SRMS: variants seen among roughly 807,000 people sequenced by gnomAD.
SRMS encodes the protein src-related kinase lacking C-terminal regulatory tyrosine and N-terminal myristylation sites.
SRMS carries 42 observed loss-of-function variants against 43.5 expected under a neutral mutation model. The ratio of observed to expected loss-of-function variants is 0.97; its 90% CI spans 0.75 to 1.25. The LOEUF is 1.25. Among genes scored for constraint, SRMS ranks in the 50% most tolerant of loss-of-function variants. SRMS has a pLI of 0.00. For missense variants in SRMS, 703 were observed against 681.0 expected (o/e 1.03, Z -0.36); for synonymous variants, 316 against 308.2 (o/e 1.03, Z -0.27).
At chr20:63,542,975 C>T (rs1358145512) in intron 3 of SRMS, among the ~76,000 whole-genome samples, 3 of 152,322 alleles carry the variant, frequency 2.0e-5, no homozygotes, top group East Asian at 3.9e-4. Context: ...TCTCCTCCCA[C>T]ACCTTCCGCC....
intron 1 of SRMS, among the ~76,000 whole-genome samples, chr20:63,544,902 G>A (rs1367373145): frequency 1.3e-5 from 2 of 152,258 alleles, no homozygotes; most frequent in Non-Finnish European, 2.9e-5. Flanking sequence ...GGGGCAGCCA[G>A]TGGGCGGCTG....
At position 63,546,287 on chromosome 20, in the gene SRMS, C is replaced by T. The variant is rs529401623; in HGVS notation, c.356+821G>A. Among the ~76,000 whole-genome samples, 7 of 144,938 alleles carry T rather than the reference C, an allele frequency of 4.8e-5. 1 individual carries two copies. The highest frequency in any genetic ancestry group is 3.7e-4 in the Admixed American group (5 of 13,540). ...CCCTTCCTGTGACTCCGGCTTCACC[C>T]GCCCATGCAACCCCCAGGACGATGT... On this transcript the variant is annotated intron_variant, in intron 1 of 7. Transcript: ENST00000217188.
At position 63,547,187 on chromosome 20, in the gene SRMS, G is replaced by C; in HGVS notation, c.277C>G (p.Leu93Val). The C allele has an allele frequency of 6.2e-7, 1 of 1,612,170 alleles. No homozygotes were observed. Among genetic ancestry groups the C allele is most frequent in the Non-Finnish European group, 8.5e-7 (1 of 1,179,656 alleles). ...AGCCCGGCGCTGGGCTGGCCCGAAA[G>C]CCTGCGTGCGAAGATGTAGCCGCCC... ...EGGGYIFARR[L>V]SGQPSAGLVP... is the part of the protein sequence containing the mutation. Residue 93 changes from leucine (L) to valine (V), a missense_variant, in exon 1 of 8, where the codon CTT becomes GTT. Transcript: ENST00000217188.
At position 63,541,636 on chromosome 20, in the gene SRMS, C is replaced by T. The variant is rs766697222; in HGVS notation, c.947-16G>A. ...CCCTCGGGGGCTGCAGGAGACAGCG[C>T]GGGGTCTTTTAGGGCACGGGGCCAA... On this transcript the variant is annotated splice_polypyrimidine_tract_variant and intron_variant, in intron 5 of 7. Transcript: ENST00000217188. 18 of 1,505,358 alleles carry T rather than the reference C, an allele frequency of 1.2e-5. No individual in the cohort carries two copies. The highest frequency in any genetic ancestry group is 7.3e-5 in the East Asian group (3 of 40,820). 93.3% of individuals were successfully genotyped at this position (1,505,358 alleles called of 1,614,324 possible).
rs372563979 is a variant in SRMS at position 63,539,004 on chromosome 20, G to A, written c.*1814C>T. ...ACCTGGTCCCCTTAATCCCAGTGGC[G>A]GCTGCAGAGAGCACAGAGGGCGAGG... On this transcript the variant is annotated 3_prime_UTR_variant, in exon 8 of 8. Transcript: ENST00000217188. Among the ~76,000 whole-genome samples the A allele has an allele frequency of 6.6e-5, 10 of 152,206 alleles. No individual in the cohort carries two copies. In the East Asian group the frequency reaches 1.2e-3, roughly 18 times the overall value.
At chr20:63,542,782 A>C (rs2082711958) in intron 3 of SRMS, among the ~76,000 whole-genome samples, 1 of 152,168 alleles carries the variant, frequency 6.6e-6, no homozygotes, top group Non-Finnish European at 1.5e-5. Flanking sequence ...TGGGGGCCTA[A>C]GTGGCACCTT....
At chr20:63,542,644 G>A in intron 3 of SRMS, 63 bp from the exon 4 acceptor site, 1 of 1,523,420 alleles carries the variant, frequency 6.6e-7, no homozygotes, top group Non-Finnish European at 8.8e-7. Flanking sequence ...CCCAGGCACA[G>A]CCCCCCACAC....
rs1346181751 is a variant in SRMS, at chr20:63,540,120, T to C, written c.*698A>G. 6.6e-6 allele frequency among the ~76,000 whole-genome samples: 1 copy of C among 152,178 alleles called. No homozygotes were observed. Among genetic ancestry groups the C allele is most frequent in the African/African-American group, 2.4e-5 (1 of 41,434 alleles). ...TGGGGGGCTGAGCCTGTGTGTGATGTGCGCCTGTGTGCGTGTCTGAGTGGG... is the reference window on the plus strand; with the variant it reads ...TGGGGGGCTGAGCCTGTGTGTGATGCGCGCCTGTGTGCGTGTCTGAGTGGG... On this transcript the variant is annotated 3_prime_UTR_variant, in exon 8 of 8. Coordinates refer to ENST00000217188, the MANE Select transcript of SRMS (RefSeq NM_080823.4).
chr20:63,540,883 C>T lies in SRMS; in HGVS notation c.1402G>A (p.Glu468Lys), dbSNP rs146547099. Residue 468 changes from glutamate to lysine, a missense_variant, in exon 8 of 8, where the codon GAG (glutamate) becomes AAG (lysine). Transcript: ENST00000217188. ...AGCGTGGCGAAGGAGGGCCGTTCCT[C>T]GGGGCTGCTCCTCCAGCACTCCAGC... ...LMLECWRSSP[E>K]ERPSFATLRE... is the part of the protein sequence containing the mutation. 4.4e-5 allele frequency: 71 copies of T among 1,606,188 alleles called. 1 individual carries two copies. The highest frequency in any genetic ancestry group is 3.8e-4 in the South Asian group (35 of 91,062).
Position 63,541,288 on chromosome 20 carries a change from C to T in SRMS, c.1188G>A (p.Glu396=). The T allele has an allele frequency of 1.3e-6, 2 of 1,564,068 alleles. No individual in the cohort carries two copies. Among genetic ancestry groups the T allele is most frequent in the Non-Finnish European group, 1.7e-6 (2 of 1,159,222 alleles). ...SKIPVKWTAP[E]AANYRVFSQK... Reference sequence around the variant, plus strand: ...GGGAGAAGACACGATAATTGGCCGCCTCAGGCGCTGTCCACTTGACCGGGA... The same window carrying T: ...GGGAGAAGACACGATAATTGGCCGCTTCAGGCGCTGTCCACTTGACCGGGA... The change falls in exon 7 of 8, where the codon GAG becomes GAA. Residue 396 remains glutamate (E), a synonymous_variant. Coordinates refer to ENST00000217188, the MANE Select transcript of SRMS (RefSeq NM_080823.4).
In SRMS at chr20:63,541,269, A is replaced by G; in HGVS notation, c.1207T>C (p.Phe403Leu). ...TAPEAANYRV[F>L]SQKSDVWSFG... Reference sequence around the variant, plus strand: ...GACCAGACGTCTGACTTCTGGGAGAAGACACGATAATTGGCCGCCTCAGGC... The same window carrying G: ...GACCAGACGTCTGACTTCTGGGAGAGGACACGATAATTGGCCGCCTCAGGC... The change falls in exon 7 of 8, where the codon TTC (phenylalanine) becomes CTC (leucine). Residue 403 changes from phenylalanine to leucine, a missense_variant. By Grantham distance (22) the Phe-to-Leu change is conservative. Transcript: ENST00000217188. The G allele has an allele frequency of 6.4e-7, 1 of 1,569,248 alleles. No homozygotes were observed. Among genetic ancestry groups the G allele is most frequent in the South Asian group, 1.2e-5 (1 of 85,094 alleles).
chr20:63,543,999 T>G (rs200051911), intron 2 of SRMS, among the ~76,000 whole-genome samples: 3 of 142,360 alleles, frequency 2.1e-5, no homozygotes, highest in Non-Finnish European at 3.1e-5. Flanking sequence ...TAGTGAGGAA[T>G]GAATGAACAA....
At chr20:63,546,348 G>T (rs1215665343) in intron 1 of SRMS, among the ~76,000 whole-genome samples, 1 of 152,196 alleles carries the variant, frequency 6.6e-6, no homozygotes, top group Non-Finnish European at 1.5e-5. Flanking sequence ...GCTGGAAGTG[G>T]CCCTGAGCAA....
chr20:63,546,230 G>A (rs1320555919), intron 1 of SRMS, among the ~76,000 whole-genome samples: 1 of 152,144 alleles, frequency 6.6e-6, no homozygotes, highest in Non-Finnish European at 1.5e-5. Context: ...CGGGGCAGGT[G>A]TGGGGTGAGG....
In SRMS at chr20:63,541,606, C is replaced by T. The variant is rs1357901561; in HGVS notation, c.961G>A (p.Ala321Thr). 1.9e-6 allele frequency: 3 copies of T among 1,553,008 alleles called. No individual in the cohort carries two copies. Among genetic ancestry groups the T allele is most frequent in the Non-Finnish European group, 1.7e-6 (2 of 1,155,104 alleles). Reference sequence around the variant, plus strand: ...CCCAGGAGTGGCGGCAGACGCAGGGCCCGGCCCTCGGGGGCTGCAGGAGAC... The same window carrying T: ...CCCAGGAGTGGCGGCAGACGCAGGGTCCGGCCCTCGGGGGCTGCAGGAGAC... ...QAFLGTPEGR[A>T]LRLPPLLGFA... The change falls in exon 6 of 8, where the codon GCC becomes ACC. Residue 321 changes from alanine (A) to threonine (T), a missense_variant. Transcript: ENST00000217188.
chr20:63,539,782 C>G lies in SRMS; in HGVS notation c.*1036G>C, dbSNP rs1255383455. On this transcript the variant is annotated 3_prime_UTR_variant, in exon 8 of 8. Transcript: ENST00000217188. ...GCCCAGCATACCATGGCATCTACCT[C>G]CGAGCCCCCAACCGACCCTGCCTGA... 3.3e-5 allele frequency among the ~76,000 whole-genome samples: 5 copies of G among 152,176 alleles called. No individual in the cohort carries two copies. Among genetic ancestry groups the G allele is most frequent in the African/African-American group, 4.8e-5 (2 of 41,438 alleles).
At position 63,547,405 on chromosome 20, in the gene SRMS, C is replaced by T. The variant is rs1348649723; in HGVS notation, c.59G>A (p.Trp20Ter). The T allele has an allele frequency of 6.4e-7, 1 of 1,554,368 alleles. No homozygotes were observed. Among genetic ancestry groups the T allele is most frequent in the Non-Finnish European group, 8.7e-7 (1 of 1,148,366 alleles). Residue 20 changes from tryptophan (W) to a stop codon, truncating the protein, a stop_gained, in exon 1 of 8, where the codon TGG (tryptophan) becomes TAG (stop). Coordinates refer to ENST00000217188, the MANE Select transcript of SRMS (RefSeq NM_080823.4). LOFTEE classifies it high-confidence loss of function. ...ATGGTCCGGCTCGCCGCCCGCCGGC[C>T]AGATCTTGTCCCAGAAGAAGGACAG... is the stretch of plus-strand genomic sequence containing the variant. ...AFLSFFWDKI[W>*]PAGGEPDHGT...
intron 1 of SRMS, among the ~76,000 whole-genome samples, chr20:63,546,863 C>T (rs1035784110): frequency 4.6e-5 from 7 of 152,242 alleles, no homozygotes; most frequent in African/African-American, 1.7e-4. Flanking sequence ...TGCTCCCCCC[C>T]ACAGGACCTG....
At position 63,541,601 on chromosome 20, in the gene SRMS, C is replaced by T; in HGVS notation, c.966G>A (p.Leu322=). Reference sequence around the variant, plus strand: ...CAAAGCCCAGGAGTGGCGGCAGACGCAGGGCCCGGCCCTCGGGGGCTGCAG... The same window carrying T: ...CAAAGCCCAGGAGTGGCGGCAGACGTAGGGCCCGGCCCTCGGGGGCTGCAG... ...AFLGTPEGRA[L]RLPPLLGFAC... is the part of the protein sequence containing the mutation. Residue 322 remains leucine (L), a synonymous_variant, in exon 6 of 8, where the codon CTG becomes CTA. Transcript: ENST00000217188. The T allele has an allele frequency of 1.3e-6, 2 of 1,557,264 alleles. No individual in the cohort carries two copies. Among genetic ancestry groups the T allele is most frequent in the Non-Finnish European group, 8.6e-7 (1 of 1,156,952 alleles).
Sources: gnomAD v4.1 joint callset for allele counts (sites outside exome capture counted in the v4.1 genomes callset) on GRCh38, gnomAD v4.1.1 for gene constraint, MANE v1.5 for transcripts, NCBI Gene and HGNC (gene_info 2026-07-23, HGNC 2026-07-21) for gene names.